ITGA9: variants seen among roughly 807,000 people sequenced by gnomAD.
ITGA9 encodes integrin subunit alpha 9, also known as integrin alpha-9.
ITGA9 carries 56 observed loss-of-function variants against 127.8 expected under a neutral mutation model. The observed-to-expected ratio is 0.44, with a 90% CI of 0.35 to 0.55. ITGA9 has a LOEUF of 0.55. Ranked by LOEUF, ITGA9 falls within the 20% of genes least tolerant of loss-of-function variation. ITGA9 has a pLI of 0.00. For missense variants in ITGA9, 1,196 were observed against 1,347.1 expected (o/e 0.89, Z 1.76); for synonymous variants, 508 against 514.5 (o/e 0.99, Z 0.17).
At chr3:37,712,156 G>A (rs1701086612) in intron 18 of ITGA9, among the ~76,000 whole-genome samples, 1 of 151,980 alleles carries the variant, frequency 6.6e-6, no homozygotes, top group Admixed American at 6.5e-5. Context: ...ACAGCCACGA[G>A]TGTCATCCCA....
At chr3:37,692,075 G>A (rs1440232928) in intron 18 of ITGA9, among the ~76,000 whole-genome samples, 1 of 152,140 alleles carries the variant, frequency 6.6e-6, no homozygotes, top group Non-Finnish European at 1.5e-5. Context: ...TGGCTCAAGG[G>A]TCTTCTCTCT....
chr3:37,598,230 T>C (rs1195249707), intron 15 of ITGA9, among the ~76,000 whole-genome samples: 1 of 151,954 alleles, frequency 6.6e-6, no homozygotes, highest in African/African-American at 2.4e-5. Context: ...AAAAAGACTA[T>C]GAAAAGATTA....
intron 22 of ITGA9, chr3:37,749,103 G>A: frequency 3.7e-6 from 1 of 270,536 alleles, no homozygotes. Flanking sequence ...GGGCCCCGCT[G>A]GGCTAAAACC....
chr3:37,530,845 G>A (rs1003202113), intron 13 of ITGA9, among the ~76,000 whole-genome samples: 1 of 141,696 alleles, frequency 7.1e-6, no homozygotes. Flanking sequence ...TCTGCCTCCC[G>A]GGTTCACGTC....
intron 18 of ITGA9, among the ~76,000 whole-genome samples, chr3:37,723,896 C>G (rs192792906): frequency 6.6e-6 from 1 of 152,308 alleles, no homozygotes; most frequent in Admixed American, 6.5e-5. Context: ...ACTGCTTTCC[C>G]TTTTTGGCCT....
In ITGA9 at chr3:37,509,786, G is replaced by A. The variant is rs200159726; in HGVS notation, c.897+1159G>A. Among the ~76,000 whole-genome samples the A allele has an allele frequency of 2.6e-5, 4 of 152,072 alleles. No individual in the cohort carries two copies. In the East Asian group the frequency reaches 5.8e-4, roughly 22 times the overall value. Reference sequence around the variant, plus strand: ...AGCAACAGCACTGGAAAATGACTGTGAGCCATTCTGCAAAAGGGTTTTCCA... The same window carrying A: ...AGCAACAGCACTGGAAAATGACTGTAAGCCATTCTGCAAAAGGGTTTTCCA... On this transcript the variant is annotated intron_variant, in intron 8 of 27. Transcript: ENST00000264741.
chr3:37,613,504 G>A (rs566474545), intron 15 of ITGA9, among the ~76,000 whole-genome samples: 1 of 152,298 alleles, frequency 6.6e-6, no homozygotes, highest in East Asian at 1.9e-4. Context: ...GGGTCAAATG[G>A]TATTTCTAGT....
chr3:37,655,042 A>G (rs1319630679), intron 17 of ITGA9, among the ~76,000 whole-genome samples: 1 of 152,182 alleles, frequency 6.6e-6, no homozygotes. Flanking sequence ...TTATGGCTGC[A>G]TAGTGTTCTA....
intron 23 of ITGA9, among the ~76,000 whole-genome samples, chr3:37,756,982 C>T (rs917297839): frequency 3.3e-5 from 5 of 149,286 alleles, no homozygotes; most frequent in Admixed American, 6.6e-5. Context: ...AGACAGTGAG[C>T]GGTTGTTCAT....
chr3:37,600,556 G>A (rs552290902), intron 15 of ITGA9, among the ~76,000 whole-genome samples: 1 of 152,268 alleles, frequency 6.6e-6, no homozygotes, highest in East Asian at 1.9e-4. Context: ...GCAGAGCAGG[G>A]GGCCTGGCTG....
chr3:37,676,026 G>A (rs530099943), intron 17 of ITGA9, among the ~76,000 whole-genome samples: 1 of 152,264 alleles, frequency 6.6e-6, no homozygotes, highest in East Asian at 1.9e-4. Flanking sequence ...ACAGGCATGA[G>A]TCATCACGCC....
At chr3:37,517,379 T>G in intron 9 of ITGA9, 125 bp from the exon 10 acceptor site, 1 of 765,124 alleles carries the variant, frequency 1.3e-6, no homozygotes, top group Admixed American at 2.0e-5. Context: ...TCTGCCCAGG[T>G]GTTTCCTGTC....
chr3:37,808,250 A>G (rs1457611195), intron 27 of ITGA9: 1 of 152,248 alleles, frequency 6.6e-6, no homozygotes, highest in Admixed American at 6.5e-5. Flanking sequence ...TCCTGGTCCC[A>G]CATATCTGGG....
At chr3:37,653,934 T>A in intron 17 of ITGA9, 144 bp downstream of exon 17, 1 of 678,290 alleles carries the variant, frequency 1.5e-6, no homozygotes, top group Non-Finnish European at 2.7e-6. Context: ...TTTAAAAAAA[T>A]GTATGTTACA....
chr3:37,805,108 C>A (rs1387591289), intron 27 of ITGA9, among the ~76,000 whole-genome samples: 1 of 151,802 alleles, frequency 6.6e-6, no homozygotes, highest in South Asian at 2.1e-4. Flanking sequence ...GTCACCCAGG[C>A]TGGAAGGCAG....
intron 23 of ITGA9, among the ~76,000 whole-genome samples, chr3:37,772,581 G>A (rs375884433): frequency 1.3e-5 from 2 of 151,968 alleles, no homozygotes; most frequent in South Asian, 4.2e-4. Flanking sequence ...CACACTTAGA[G>A]GACCGCCTCC....
At chr3:37,618,135 G>T (rs546179122) in intron 15 of ITGA9, among the ~76,000 whole-genome samples, 1 of 152,168 alleles carries the variant, frequency 6.6e-6, no homozygotes, top group Non-Finnish European at 1.5e-5. Context: ...TACAGATGGG[G>T]TTTTGGTGTG....
chr3:37,733,406 G>T (rs1696320547), intron 19 of ITGA9, among the ~76,000 whole-genome samples: 1 of 147,208 alleles, frequency 6.8e-6, no homozygotes, highest in South Asian at 2.1e-4. Flanking sequence ...TACAAACATA[G>T]GTAAAAAGAT....
chr3:37,686,773 G>A (rs539843926), intron 18 of ITGA9, among the ~76,000 whole-genome samples: 1 of 152,252 alleles, frequency 6.6e-6, no homozygotes, highest in East Asian at 1.9e-4. Context: ...AACGCAGATG[G>A]GCAAGACGAC....
Sources: allele counts gnomAD v4.1 joint callset (sites outside exome capture counted in the v4.1 genomes callset), GRCh38; gene constraint gnomAD v4.1.1; transcripts MANE v1.5; gene names NCBI Gene and HGNC (gene_info 2026-07-23, HGNC 2026-07-21).